Variants in FKBP5 observed in about 807,000 individuals in gnomAD.
FKBP5 encodes the protein peptidyl-prolyl cis-trans isomerase FKBP5.
FKBP5 carries 23 observed loss-of-function variants against 50.5 expected under a neutral mutation model. That is an observed-to-expected ratio of 0.46 (90% CI 0.33 to 0.65). FKBP5 has a LOEUF of 0.65. FKBP5 is among the 30% of genes least tolerant of loss of function. The probability of loss-of-function intolerance (pLI) is 0.02; values close to 1 mark genes in which losing one functional copy is unlikely to be tolerated. For synonymous variants in FKBP5, 176 were observed against 190.6 expected (o/e 0.92, Z 0.63); for missense variants, 411 against 553.1 (o/e 0.74, Z 2.58).
chr6:35,593,658 G>A (rs573464091), intron 6 of FKBP5, among the ~76,000 whole-genome samples: 60 of 152,164 alleles, frequency 3.9e-4, no homozygotes, highest in Middle Eastern at 3.4e-3. Context: ...GGGTTCAAGC[G>A]ATTCTCCTGC....
intron 2 of FKBP5, among the ~76,000 whole-genome samples, chr6:35,699,174 A>T (rs1766135111): frequency 6.6e-6 from 1 of 152,174 alleles, no homozygotes; most frequent in Non-Finnish European, 1.5e-5. Context: ...GATGTTGGCA[A>T]GGGTCTCCAG....
At chr6:35,627,686 G>A (rs1764040764) in intron 3 of FKBP5, among the ~76,000 whole-genome samples, 1 of 152,088 alleles carries the variant, frequency 6.6e-6, no homozygotes, top group African/African-American at 2.4e-5. Flanking sequence ...TTTGTTGCCT[G>A]TACTTTTGAT....
At chr6:35,705,217 T>TATATAC (rs1766272752) in intron 2 of FKBP5, among the ~76,000 whole-genome samples, 1 of 11,720 alleles carries the variant, frequency 8.5e-5, no homozygotes, top group Non-Finnish European at 1.4e-4. Context: ...TGTACAAATA[T>TATATAC]ATATATATAT....
intron 3 of FKBP5, among the ~76,000 whole-genome samples, chr6:35,630,942 T>A (rs996688431): frequency 6.6e-6 from 1 of 152,186 alleles, no homozygotes; most frequent in African/African-American, 2.4e-5. Context: ...GCTTGTCCTT[T>A]TAAGTACAAC....
At chr6:35,699,708 C>G (rs937545395) in intron 2 of FKBP5, among the ~76,000 whole-genome samples, 2 of 152,092 alleles carry the variant, frequency 1.3e-5, no homozygotes, top group Non-Finnish European at 2.9e-5. Context: ...TCCCCACACA[C>G]AATGGTGAGG....
At chr6:35,694,545 T>C (rs1766052715) in intron 2 of FKBP5, among the ~76,000 whole-genome samples, 1 of 152,224 alleles carries the variant, frequency 6.6e-6, no homozygotes, top group Non-Finnish European at 1.5e-5. Context: ...ACAATAGTAA[T>C]ATCTTCCTCT....
At chr6:35,580,274 G>C in intron 8 of FKBP5, 53 bp from the exon 9 acceptor site, 1 of 1,438,004 alleles carries the variant, frequency 7.0e-7, no homozygotes, top group South Asian at 1.3e-5. Context: ...GGGTACAAAA[G>C]AAAAGCAAAT....
chr6:35,669,007 T>A (rs912152965), intron 1 of FKBP5, among the ~76,000 whole-genome samples: 1 of 152,150 alleles, frequency 6.6e-6, no homozygotes, highest in Admixed American at 6.6e-5. Context: ...TGAAACAATA[T>A]CTAAGAAAAC....
chr6:35,663,415 G>A (rs568625634), intron 1 of FKBP5, among the ~76,000 whole-genome samples: 1 of 152,330 alleles, frequency 6.6e-6, no homozygotes, highest in Non-Finnish European at 1.5e-5. Context: ...ACAGGGAACT[G>A]AGGCATTTTT....
chr6:35,690,429 C>T (rs1307692287), upstream of FKBP5, among the ~76,000 whole-genome samples: 1 of 151,484 alleles, frequency 6.6e-6, no homozygotes, highest in Non-Finnish European at 1.5e-5. Context: ...CGCACCATTG[C>T]ACTCCAGCCT....
intron 1 of FKBP5, among the ~76,000 whole-genome samples, chr6:35,646,308 C>T (rs992355647): frequency 5.3e-5 from 8 of 152,148 alleles, no homozygotes; most frequent in Non-Finnish European, 8.8e-5. Flanking sequence ...TGCAAGTCAT[C>T]TTAGTAATCT....
chr6:35,656,245 G>T (rs1342678312), intron 1 of FKBP5, among the ~76,000 whole-genome samples: 3 of 152,118 alleles, frequency 2.0e-5, no homozygotes, highest in African/African-American at 7.2e-5. Context: ...TAAAAATATG[G>T]AAGGAAGAAA....
intron 7 of FKBP5, among the ~76,000 whole-genome samples, chr6:35,588,026 A>AT (rs1417940647): frequency 3.3e-5 from 5 of 149,610 alleles, no homozygotes; most frequent in African/African-American, 5.0e-5. Context: ...TATTATTATT[A>AT]TTATTATTTT....
At chr6:35,712,224 G>A (rs1033325607) in intron 2 of FKBP5, among the ~76,000 whole-genome samples, 2 of 151,662 alleles carry the variant, frequency 1.3e-5, no homozygotes, top group African/African-American at 4.9e-5. Flanking sequence ...TTTGTTACCC[G>A]CTCTCTTTTT....
chr6:35,683,423 G>T (rs1765736496), intron 1 of FKBP5, among the ~76,000 whole-genome samples: 1 of 151,378 alleles, frequency 6.6e-6, no homozygotes, highest in South Asian at 2.1e-4. Context: ...AAGTGTTGAG[G>T]TGTTGACATT....
chr6:35,615,755 AAAC>A (rs1428844779), intron 5 of FKBP5, among the ~76,000 whole-genome samples: 8 of 152,218 alleles, frequency 5.3e-5, no homozygotes, highest in Non-Finnish European at 8.8e-5. Context: ...TTGTGATACA[AAAC>A]AAGATAGTAC....
intron 2 of FKBP5, among the ~76,000 whole-genome samples, chr6:35,642,411 A>C (rs1047480830): frequency 3.3e-5 from 5 of 152,192 alleles, no homozygotes; most frequent in African/African-American, 1.2e-4. Context: ...TTGCCTGAGC[A>C]ACATAATGAG....
intron 3 of FKBP5, among the ~76,000 whole-genome samples, chr6:35,632,786 G>A (rs1286091856): frequency 6.6e-6 from 1 of 151,976 alleles, no homozygotes; most frequent in Admixed American, 6.6e-5. Flanking sequence ...CTACTTGGGA[G>A]GCTGAGGCAG....
chr6:35,725,966 C>T (rs1164170623), intron 1 of FKBP5, among the ~76,000 whole-genome samples: 1 of 152,190 alleles, frequency 6.6e-6, no homozygotes, highest in Non-Finnish European at 1.5e-5. Context: ...GGAAACCTAC[C>T]ATCCCTGCTC....
Sources: allele counts gnomAD v4.1 joint callset (sites outside exome capture counted in the v4.1 genomes callset), GRCh38; gene constraint gnomAD v4.1.1; transcripts MANE v1.5; gene names NCBI Gene and HGNC (gene_info 2026-07-23, HGNC 2026-07-21).